The following FOXN3 variants were observed in gnomAD, a reference collection of about 807,000 sequenced individuals.
The protein encoded by FOXN3 is forkhead box N3.
A neutral mutation model predicts 38.4 loss-of-function variants in FOXN3; 7 were observed. The observed-to-expected ratio is 0.18, with a 90% CI of 0.10 to 0.34. The LOEUF is 0.34. Ranked by LOEUF, FOXN3 falls within the 10% of genes least tolerant of loss-of-function variation. The pLI is 1.00. For synonymous variants in FOXN3, 230 were observed against 242.2 expected, an observed-to-expected ratio of 0.95 and a Z score of 0.47; for missense variants, 456 against 613.4, an observed-to-expected ratio of 0.74 and a Z score of 2.71.
chr14:89,212,853 G>A (rs1884141952), intron 4 of FOXN3, among the ~76,000 whole-genome samples: 1 of 152,150 alleles, frequency 6.6e-6, no homozygotes, highest in Non-Finnish European at 1.5e-5. Flanking sequence ...GTTTAATGAG[G>A]ATCAGGTTTG....
intron 1 of FOXN3, among the ~76,000 whole-genome samples, chr14:89,533,658 TCTC>T: frequency 1.7e-5 from 1 of 59,834 alleles, no homozygotes; most frequent in Non-Finnish European, 2.8e-5. Context: ...GGAGACTCTG[TCTC>T]AAAAAAAAAA....
intron 4 of FOXN3, among the ~76,000 whole-genome samples, chr14:89,265,219 T>C (rs1429291210): frequency 1.3e-5 from 2 of 152,138 alleles, no homozygotes; most frequent in African/African-American, 4.8e-5. Context: ...AAAAACCGAA[T>C]TGAAGAGATT....
At chr14:89,166,520 G>C (rs1163017438) in intron 5 of FOXN3, among the ~76,000 whole-genome samples, 1 of 152,142 alleles carries the variant, frequency 6.6e-6, no homozygotes, top group Non-Finnish European at 1.5e-5. Flanking sequence ...GTTGAGTGGG[G>C]TGGCCCGGAC....
At chr14:89,496,811 T>G (rs955118882) in intron 1 of FOXN3, among the ~76,000 whole-genome samples, 1 of 152,180 alleles carries the variant, frequency 6.6e-6, no homozygotes, top group Non-Finnish European at 1.5e-5. Context: ...CAGCCCTTGG[T>G]AGCCTTCATT....
intron 5 of FOXN3, among the ~76,000 whole-genome samples, chr14:89,166,793 A>C (rs1340601150): frequency 6.6e-6 from 1 of 152,224 alleles, no homozygotes. Flanking sequence ...CAGGAAGTGA[A>C]AAGCTCCTTC....
chr14:89,385,495 C>T (rs914616120), intron 2 of FOXN3, among the ~76,000 whole-genome samples: 1 of 63,468 alleles, frequency 1.6e-5, no homozygotes, highest in Non-Finnish European at 3.2e-5. Context: ...CTGAGGCAAA[C>T]ATTTAAAAAA....
Position 89,505,162 on chromosome 14 carries a change from C to G in FOXN3, c.-14-92672G>C, listed in dbSNP as rs563550532. 7.9e-5 allele frequency among the ~76,000 whole-genome samples: 12 copies of G among 152,244 alleles called. No individual in the cohort carries two copies. In the South Asian group the frequency reaches 1.9e-3, roughly 24 times the overall value. On this transcript the variant is annotated intron_variant, in intron 1 of 6. Coordinates refer to the FOXN3 transcript ENST00000345097. ...GATCAGAGATGCAGCATGACTGAGG[C>G]AGTTTTAGTTGTTATTGTTGTTGTA...
chr14:89,503,600 T>C (rs756245244), intron 1 of FOXN3, among the ~76,000 whole-genome samples: 1 of 152,356 alleles, frequency 6.6e-6, no homozygotes. Flanking sequence ...CCAACACCGG[T>C]AATTCATAGC....
intron 4 of FOXN3, among the ~76,000 whole-genome samples, chr14:89,245,246 C>A (rs1348745252): frequency 6.6e-6 from 1 of 152,132 alleles, no homozygotes; most frequent in South Asian, 2.1e-4. Context: ...AAAAGATACG[C>A]AGGTGGGTCA....
intron 1 of FOXN3, among the ~76,000 whole-genome samples, chr14:89,606,639 C>A (rs1350815998): frequency 6.6e-6 from 1 of 152,134 alleles, no homozygotes; most frequent in African/African-American, 2.4e-5. Context: ...CACCTGAGGT[C>A]AGGAGTTCGA....
At chr14:89,606,259 A>ATC (rs1260932507) in intron 1 of FOXN3, among the ~76,000 whole-genome samples, 2 of 152,190 alleles carry the variant, frequency 1.3e-5, no homozygotes, top group Admixed American at 1.3e-4. Flanking sequence ...AGTAGCTGTA[A>ATC]TCTTCCTAAA....
chr14:89,302,658 C>T (rs1887252175), intron 3 of FOXN3, among the ~76,000 whole-genome samples: 1 of 152,296 alleles, frequency 6.6e-6, no homozygotes, highest in East Asian at 1.9e-4. Flanking sequence ...AAGGCTCGTG[C>T]CTTCCTCTTC....
intron 1 of FOXN3, among the ~76,000 whole-genome samples, chr14:89,501,426 C>A (rs1246261439): frequency 6.6e-6 from 1 of 152,168 alleles, no homozygotes; most frequent in African/African-American, 2.4e-5. Context: ...GAGGGTTTTT[C>A]TACCTTGTTG....
chr14:89,491,327 T>C (rs1437327951), intron 1 of FOXN3, among the ~76,000 whole-genome samples: 4 of 152,182 alleles, frequency 2.6e-5, no homozygotes, highest in Admixed American at 1.3e-4. Context: ...GACAAATAAA[T>C]GGTTAAGTGA....
chr14:89,191,315 T>G (rs1332084391), intron 4 of FOXN3, among the ~76,000 whole-genome samples: 1 of 152,176 alleles, frequency 6.6e-6, no homozygotes, highest in East Asian at 1.9e-4. Context: ...GAAAAGAACA[T>G]CTGCCCCAGC....
chr14:89,312,988 C>G (rs1596175278), intron 3 of FOXN3, among the ~76,000 whole-genome samples: 1 of 152,192 alleles, frequency 6.6e-6, no homozygotes, highest in South Asian at 2.1e-4. Context: ...AGTACAAAAG[C>G]CCTGTCGCTT....
chr14:89,309,409 C>T (rs559615663), intron 3 of FOXN3, among the ~76,000 whole-genome samples: 32 of 152,206 alleles, frequency 2.1e-4, no homozygotes, highest in Non-Finnish European at 3.8e-4. Flanking sequence ...ACCAGGTCAC[C>T]GCTGTTTCCA....
At chr14:89,206,576 G>A (rs1001593752) in intron 4 of FOXN3, among the ~76,000 whole-genome samples, 1 of 152,188 alleles carries the variant, frequency 6.6e-6, no homozygotes, top group African/African-American at 2.4e-5. Flanking sequence ...CTGGAGAGGC[G>A]CTCTGCAGGC....
chr14:89,198,012 G>A (rs1888141517), intron 4 of FOXN3, among the ~76,000 whole-genome samples: 2 of 152,104 alleles, frequency 1.3e-5, no homozygotes, highest in Admixed American at 6.5e-5. Context: ...CTACAATGAA[G>A]AAAAAATACA....
Sources: allele counts gnomAD v4.1 joint callset (sites outside exome capture counted in the v4.1 genomes callset), GRCh38; gene constraint gnomAD v4.1.1; transcripts MANE v1.5; gene names NCBI Gene and HGNC (gene_info 2026-07-23, HGNC 2026-07-21).